Variants in AQP4 observed in about 807,000 individuals in gnomAD.
The protein encoded by AQP4 is aquaporin-4.
A neutral mutation model predicts 27.8 loss-of-function variants in AQP4; 18 were observed. That is an observed-to-expected ratio of 0.65 (90% CI 0.45 to 0.96). The LOEUF is 0.96. AQP4 is among the 40% of genes least tolerant of loss of function. AQP4 has a pLI of 0.00. For synonymous variants in AQP4, 141 were observed against 142.9 expected, an observed-to-expected ratio of 0.99 and a Z score of 0.10; for missense variants, 412 against 408.2, an observed-to-expected ratio of 1.01 and a Z score of -0.08.
chr18:26,859,942 C>T (rs1275011077), intron 4 of AQP4, among the ~76,000 whole-genome samples: 1 of 152,130 alleles, frequency 6.6e-6, no homozygotes, highest in East Asian at 1.9e-4. Flanking sequence ...TTACAGGTCT[C>T]ATATTTTTAT....
At chr18:26,865,716 C>T, upstream of AQP4, 5 of 1,614,174 alleles carry the variant, frequency 3.1e-6, no homozygotes, top group Non-Finnish European at 4.2e-6. Flanking sequence ...GTGCAGCTCT[C>T]ATTGCCTGCC....
At position 26,860,995 on chromosome 18, in the gene AQP4, GA is replaced by G. The variant is rs200917740; in HGVS notation, c.612+135del. 53 of 1,406,434 alleles carry G rather than the reference GA, an allele frequency of 3.8e-5. 1 individual carries two copies. The East Asian group carries it at 1.2e-3, about 32-fold the overall frequency. The allele number at this position is 1,406,434 out of a possible 1,614,324, so 87.1% of individuals were successfully genotyped here. ...TATCAACATTCTCATTGAGCAGTTGGAAAAATTATAACCTAAAATGGACAGT... is the reference window on the plus strand; with the variant it reads ...TATCAACATTCTCATTGAGCAGTTGGAAAATTATAACCTAAAATGGACAGT... On this transcript the variant is annotated intron_variant, in intron 3 of 4. Transcript: ENST00000383168.
intron 1 of AQP4, 64 bp downstream of exon 1, chr18:26,865,594 A>G (rs1057073727): frequency 1.2e-5 from 20 of 1,606,222 alleles, no homozygotes; most frequent in Admixed American, 1.7e-5. Flanking sequence ...AACATCTATA[A>G]TAAAAGAGAC....
rs187434680 is a variant in AQP4 at position 26,855,307 on chromosome 18, A to T, written c.*904T>A. On this transcript the variant is annotated 3_prime_UTR_variant, in exon 5 of 5. Transcript: ENST00000383168. ...ACAAAATCCCCAGTTTTGCCAATAA[A>T]TTTTTTAAAAATAAGCAAAGTGGTA... is the stretch of plus-strand genomic sequence containing the variant. 5 of 152,298 alleles carry T rather than the reference A, an allele frequency of 3.3e-5. No individual in the cohort carries two copies. The highest frequency in any genetic ancestry group is 2.1e-4 in the South Asian group (1 of 4,828). 9.4% of individuals were successfully genotyped at this position (152,298 alleles called of 1,614,324 possible). A position where few individuals can be genotyped will look rare whatever the true frequency, so the allele number is the denominator to read the frequency against.
intron 4 of AQP4, among the ~76,000 whole-genome samples, chr18:26,860,264 A>C (rs75258135): frequency 0.014 from 2,192 of 152,332 alleles, 51 homozygotes; most frequent in African/African-American, 0.05. Context: ...AAATACTTGC[A>C]ACTTACATAC....
At chr18:26,858,514 C>T (rs1484293984) in intron 4 of AQP4, among the ~76,000 whole-genome samples, 1 of 152,154 alleles carries the variant, frequency 6.6e-6, no homozygotes, top group Non-Finnish European at 1.5e-5. Flanking sequence ...GAAACTGTTG[C>T]TAGTGTGGCT....
chr18:26,865,550 T>C, intron 1 of AQP4, 108 bp downstream of exon 1: 1 of 1,442,538 alleles, frequency 6.9e-7, no homozygotes, highest in Non-Finnish European at 9.8e-7. Flanking sequence ...ACCTGCCCTA[T>C]AGCTGCCTTC....
rs2054781657 is a variant in AQP4 at position 26,853,197 on chromosome 18, A to G, written c.*3014T>C. The G allele has an allele frequency of 7.0e-6, 2 of 286,762 alleles. No individual in the cohort carries two copies. Among genetic ancestry groups the G allele is most frequent in the Non-Finnish European group, 1.3e-5 (2 of 155,888 alleles). 17.8% of individuals were successfully genotyped at this position (286,762 alleles called of 1,614,324 possible). On this transcript the variant is annotated 3_prime_UTR_variant, in exon 5 of 5. Coordinates refer to ENST00000383168, the MANE Select transcript of AQP4 (RefSeq NM_001650.7). ...CTAGCACCTATGAGCTGCATTAGGA[A>G]AAGGCTCAGATAATAAAAAGATAGT...
At chr18:26,856,553 T>C in intron 4 of AQP4, 64 bp from the exon 5 acceptor site, 1 of 1,569,348 alleles carries the variant, frequency 6.4e-7, no homozygotes, top group South Asian at 1.1e-5. Flanking sequence ...GAGCAGCTCA[T>C]GAATGTAGAA....
Position 26,862,163 on chromosome 18 carries a change from A to G in AQP4, c.447+19T>C, listed in dbSNP as rs2054957542. ...CAAGAAGCTTGGAGTCCTAGTTTGA[A>G]AATAGCTAAAGATGCTACCATGGTG... On this transcript the variant is annotated intron_variant, in intron 2 of 4. Coordinates refer to ENST00000383168, the MANE Select transcript of AQP4 (RefSeq NM_001650.7). 1 of 1,613,892 alleles carries G rather than the reference A, an allele frequency of 6.2e-7. No homozygotes were observed. The highest frequency in any genetic ancestry group is 8.5e-7 in the Non-Finnish European group (1 of 1,179,822).
chr18:26,856,551 C>A, intron 4 of AQP4, 62 bp from the exon 5 acceptor site: 1 of 1,569,298 alleles, frequency 6.4e-7, no homozygotes, highest in South Asian at 1.1e-5. Flanking sequence ...TTGAGCAGCT[C>A]ATGAATGTAG....
At chr18:26,865,767 T>C (rs929262617), upstream of AQP4, 3 of 1,568,592 alleles carry the variant, frequency 1.9e-6, no homozygotes, top group Non-Finnish European at 2.6e-6. Flanking sequence ...TACGGCCACT[T>C]GTCTGATTGG....
chr18:26,856,049 C>G lies in AQP4; in HGVS notation c.*162G>C. The G allele has an allele frequency of 1.1e-6, 1 of 890,392 alleles. No individual in the cohort carries two copies. 55.2% of individuals were successfully genotyped at this position (890,392 alleles called of 1,614,324 possible). A position where few individuals can be genotyped will look rare whatever the true frequency, so the allele number is the denominator to read the frequency against. Reference sequence around the variant, plus strand: ...TCACAATAGGTTTCTTCCGTTCCTCCTTTGTAAATTATGAAATATTTATTG... The same window carrying G: ...TCACAATAGGTTTCTTCCGTTCCTCGTTTGTAAATTATGAAATATTTATTG... On this transcript the variant is annotated 3_prime_UTR_variant, in exon 5 of 5. Transcript: ENST00000383168.
At position 26,855,467 on chromosome 18, in the gene AQP4, C is replaced by G. The variant is rs1004544898; in HGVS notation, c.*744G>C. 1.3e-5 allele frequency: 2 copies of G among 152,360 alleles called. No individual in the cohort carries two copies. Among genetic ancestry groups the G allele is most frequent in the Non-Finnish European group, 2.9e-5 (2 of 68,138 alleles). 9.4% of individuals were successfully genotyped at this position (152,360 alleles called of 1,614,324 possible). On this transcript the variant is annotated 3_prime_UTR_variant, in exon 5 of 5. Transcript: ENST00000383168. ...TTTTTGTATGATGATAACTTTGCCT[C>G]TGCCTCTACAAGATTTTACGAGTCT...
In AQP4 at chr18:26,852,666, A is replaced by G. The variant is rs1443026886; in HGVS notation, c.*3545T>C. On this transcript the variant is annotated 3_prime_UTR_variant, in exon 5 of 5. Coordinates refer to ENST00000383168, the MANE Select transcript of AQP4 (RefSeq NM_001650.7). ...AACTCACAAAATTTGTGGTAACAAA[A>G]GAGAGTTTTGTTACATTACACTTTC... 1 of 395,288 alleles carries G rather than the reference A, an allele frequency of 2.5e-6. No homozygotes were observed. Among genetic ancestry groups the G allele is most frequent in the Non-Finnish European group, 4.5e-6 (1 of 224,342 alleles). The allele number at this position is 395,288 out of a possible 1,614,324, so 24.5% of individuals were successfully genotyped here. A position where few individuals can be genotyped will look rare whatever the true frequency, so the allele number is the denominator to read the frequency against.
rs916682892 is a variant in AQP4 at position 26,863,001 on chromosome 18, G to C, written c.33-405C>G. ...GCATTAAAACAAGGTGTGCGTGGGG[G>C]GGGGGGGTCGTCTTTTCTAGCTTTG... On this transcript the variant is annotated intron_variant, in intron 1 of 4. Transcript: ENST00000383168. The C allele has an allele frequency of 3.1e-4, 53 of 172,744 alleles. 9 individuals carry two copies. Among genetic ancestry groups the C allele is most frequent in the Non-Finnish European group, 6.0e-4 (49 of 81,672 alleles). 10.7% of individuals were successfully genotyped at this position (172,744 alleles called of 1,614,324 possible).
At chr18:26,860,093 T>C (rs2054913355) in intron 4 of AQP4, among the ~76,000 whole-genome samples, 1 of 152,224 alleles carries the variant, frequency 6.6e-6, no homozygotes, top group Non-Finnish European at 1.5e-5. Flanking sequence ...ACTGCTATTC[T>C]CTGGAAGCAC....
Position 26,856,344 on chromosome 18 carries a change from A to G in AQP4, c.839T>C (p.Val280Ala). The G allele has an allele frequency of 6.2e-7, 1 of 1,614,048 alleles. No homozygotes were observed. Among genetic ancestry groups the G allele is most frequent in the Non-Finnish European group, 8.5e-7 (1 of 1,180,024 alleles). ...CTCTACCTGACTCCTGTTGTCCTCC[A>G]CCTCCATGTAGCTTCCTTTTGTTTG... is the stretch of plus-strand genomic sequence containing the variant. ...AQQTKGSYMEVEDNRSQVETD... is the reference protein window; with the variant it reads ...AQQTKGSYMEAEDNRSQVETD... Residue 280 changes from valine to alanine, a missense_variant, in exon 5 of 5, where the codon GTG becomes GCG. Transcript: ENST00000383168.
At position 26,862,283 on chromosome 18, in the gene AQP4, C is replaced by T; in HGVS notation, c.346G>A (p.Val116Ile). The T allele has an allele frequency of 6.2e-7, 1 of 1,614,204 alleles. No individual in the cohort carries two copies. Among genetic ancestry groups the T allele is most frequent in the Non-Finnish European group, 8.5e-7 (1 of 1,180,042 alleles). Residue 116 changes from valine to isoleucine, a missense_variant, in exon 2 of 5, where the codon GTC becomes ATC. By Grantham distance (29) the Val-to-Ile change is conservative. Coordinates refer to ENST00000383168, the MANE Select transcript of AQP4 (RefSeq NM_001650.7). ...CTRKISIAKS[V>I]FYIAAQCLGA... ...AGGCACTGGGCTGCGATGTAGAAGA[C>T]AGACTTGGCGATGCTGATCTTCCTG...
Sources: gnomAD v4.1 joint callset for allele counts (sites outside exome capture counted in the v4.1 genomes callset) on GRCh38, gnomAD v4.1.1 for gene constraint, MANE v1.5 for transcripts, NCBI Gene and HGNC (gene_info 2026-07-23, HGNC 2026-07-21) for gene names.